Variants in PPM1E observed in about 807,000 individuals in gnomAD.
PPM1E encodes protein phosphatase, Mg2+/Mn2+ dependent 1E.
In PPM1E, 20 loss-of-function variants were observed where a neutral mutation model predicts 65.9. That is an observed-to-expected ratio of 0.30 (90% CI 0.21 to 0.44). PPM1E has a LOEUF of 0.44. Among genes scored for constraint, PPM1E ranks in the 20% least tolerant of loss-of-function variants. PPM1E has a pLI of 1.00. For synonymous variants in PPM1E, 352 were observed against 374.9 expected, an observed-to-expected ratio of 0.94 and a Z score of 0.70; for missense variants, 713 against 953.1, an observed-to-expected ratio of 0.75 and a Z score of 3.32.
chr17:58,896,690 G>A (rs2051422173), intron 1 of PPM1E, among the ~76,000 whole-genome samples: 1 of 152,240 alleles, frequency 6.6e-6, no homozygotes, highest in Admixed American at 6.5e-5. Flanking sequence ...AAAGTGCACA[G>A]TGAAGCAGCA....
chr17:58,844,633 G>T (rs2050753805), intron 1 of PPM1E, among the ~76,000 whole-genome samples: 1 of 152,158 alleles, frequency 6.6e-6, no homozygotes, highest in African/African-American at 2.4e-5. Context: ...TTTGAAGGTT[G>T]TCACTAAACT....
chr17:58,944,750 G>C (rs2052123659), intron 1 of PPM1E, among the ~76,000 whole-genome samples: 1 of 152,082 alleles, frequency 6.6e-6, no homozygotes, highest in African/African-American at 2.4e-5. Flanking sequence ...TGGACACTTG[G>C]TTGTTTTTAC....
chr17:58,842,842 G>A (rs531229940), intron 1 of PPM1E, among the ~76,000 whole-genome samples: 1 of 152,340 alleles, frequency 6.6e-6, no homozygotes, highest in East Asian at 1.9e-4. Flanking sequence ...GGAGGATGAG[G>A]CAGAAGAATC....
chr17:58,781,685 T>A (rs1400801298), intron 1 of PPM1E, among the ~76,000 whole-genome samples: 2 of 151,952 alleles, frequency 1.3e-5, no homozygotes, highest in Admixed American at 6.6e-5. Context: ...GCGGATCACC[T>A]GAGGTCAGAG....
intron 1 of PPM1E, among the ~76,000 whole-genome samples, chr17:58,869,865 C>G (rs1489346106): frequency 6.6e-6 from 1 of 152,142 alleles, no homozygotes; most frequent in Non-Finnish European, 1.5e-5. Flanking sequence ...AAGAATTTCT[C>G]TAATGTGCCT....
At chr17:58,816,775 TA>T (rs1567842189) in intron 1 of PPM1E, among the ~76,000 whole-genome samples, 209 of 17,686 alleles carry the variant, frequency 0.012, 12 homozygotes, top group Middle Eastern at 0.053. Flanking sequence ...TATATATATA[TA>T]TATATATATA....
chr17:58,845,785 A>G (rs2050765255), intron 1 of PPM1E, among the ~76,000 whole-genome samples: 1 of 152,128 alleles, frequency 6.6e-6, no homozygotes, highest in Non-Finnish European at 1.5e-5. Flanking sequence ...CGTTCAAGAG[A>G]TTCTGCTGCC....
At chr17:58,862,948 C>A (rs760563782) in intron 1 of PPM1E, among the ~76,000 whole-genome samples, 1 of 152,098 alleles carries the variant, frequency 6.6e-6, no homozygotes, top group Non-Finnish European at 1.5e-5. Context: ...AAATCAAATG[C>A]TTTCTTAAAA....
At chr17:58,865,915 C>A (rs79690709) in intron 1 of PPM1E, among the ~76,000 whole-genome samples, 2 of 152,106 alleles carry the variant, frequency 1.3e-5, no homozygotes, top group African/African-American at 2.4e-5. Context: ...TTTGCTGAGA[C>A]AAAGAAGGCC....
chr17:58,776,558 C>A (rs1180169898), intron 1 of PPM1E, among the ~76,000 whole-genome samples: 1 of 152,138 alleles, frequency 6.6e-6, no homozygotes, highest in African/African-American at 2.4e-5. Flanking sequence ...CTCTGGTACA[C>A]AGGAATAAAA....
intron 1 of PPM1E, among the ~76,000 whole-genome samples, chr17:58,871,953 A>T (rs1278609507): frequency 6.6e-6 from 1 of 152,248 alleles, no homozygotes; most frequent in East Asian, 1.9e-4. Context: ...CTTTTCAAAG[A>T]TAAACTGTTT....
At chr17:58,790,329 T>G (rs2050145245) in intron 1 of PPM1E, among the ~76,000 whole-genome samples, 1 of 152,032 alleles carries the variant, frequency 6.6e-6, no homozygotes, top group Admixed American at 6.6e-5. Flanking sequence ...CTTTCAAAAC[T>G]GGTGACATGA....
chr17:58,899,114 A>G (rs2051463320), intron 1 of PPM1E, among the ~76,000 whole-genome samples: 1 of 152,052 alleles, frequency 6.6e-6, no homozygotes, highest in Admixed American at 6.6e-5. Context: ...ATATATAACA[A>G]ACCTGCACGT....
rs546425344 is a variant in PPM1E at position 58,826,850 on chromosome 17, C to T, written c.464+70389C>T. Among the ~76,000 whole-genome samples, 147 of 151,930 alleles carry T rather than the reference C, an allele frequency of 9.7e-4. 1 individual carries two copies. The highest frequency in any genetic ancestry group is 3.4e-3 in the African/African-American group (142 of 41,434). The stretch of plus-strand genomic sequence containing the variant: ...TTCACTGTGTTAGCCAGGATGGTCT[C>T]GATCCCCTGACCTTGTGATCCGCCC... On this transcript the variant is annotated intron_variant, in intron 1 of 6. Transcript: ENST00000308249.
intron 6 of PPM1E, among the ~76,000 whole-genome samples, chr17:58,978,199 G>A (rs916263949): frequency 1.3e-5 from 2 of 152,220 alleles, no homozygotes; most frequent in African/African-American, 4.8e-5. Flanking sequence ...TAGGTGACAA[G>A]TAGAAGAGCT....
At chr17:58,761,772 A>G (rs753557893) in intron 1 of PPM1E, among the ~76,000 whole-genome samples, 4 of 152,168 alleles carry the variant, frequency 2.6e-5, no homozygotes, top group Non-Finnish European at 5.9e-5. Context: ...ACCCAATGCC[A>G]TTCCTCTTGT....
At chr17:58,937,642 C>T (rs536648348) in intron 1 of PPM1E, among the ~76,000 whole-genome samples, 23 of 147,800 alleles carry the variant, frequency 1.6e-4, no homozygotes, top group Middle Eastern at 3.5e-3. Flanking sequence ...TTTGGGAGGC[C>T]GAAGTGGGTG....
chr17:58,840,633 A>G (rs1417557351), intron 1 of PPM1E, among the ~76,000 whole-genome samples: 1 of 152,154 alleles, frequency 6.6e-6, no homozygotes, highest in Non-Finnish European at 1.5e-5. Context: ...AGAAAGTGCT[A>G]AAGAAAAAAA....
chr17:58,890,299 G>A (rs1393905799), intron 1 of PPM1E, among the ~76,000 whole-genome samples: 1 of 152,064 alleles, frequency 6.6e-6, no homozygotes, highest in Non-Finnish European at 1.5e-5. Flanking sequence ...CTTCTTATGT[G>A]TCAGAACACT....
Sources: allele counts gnomAD v4.1 joint callset (sites outside exome capture counted in the v4.1 genomes callset), GRCh38; gene constraint gnomAD v4.1.1; transcripts MANE v1.5; gene names NCBI Gene and HGNC (gene_info 2026-07-23, HGNC 2026-07-21).